Variants in SHANK2 observed in about 807,000 individuals in gnomAD.
SHANK2 encodes the protein SH3 and multiple ankyrin repeat domains protein 2.
In SHANK2, 43 loss-of-function variants were observed where a neutral mutation model predicts 133.7. The ratio of observed to expected loss-of-function variants is 0.32; its 90% confidence interval spans 0.25 to 0.41. The LOEUF (loss-of-function observed/expected upper bound fraction) is 0.41, where lower values mean the gene tolerates loss of function less well. Ranked by LOEUF, SHANK2 falls within the 10% of genes least tolerant of loss-of-function variation. The pLI is 1.00. For synonymous variants in SHANK2, 1,017 were observed against 952.8 expected (o/e 1.07, Z -1.24); for missense variants, 1,994 against 2,235.8 (o/e 0.89, Z 2.18).
At chr11:70,749,634 C>T (rs1271258108) in intron 14 of SHANK2, among the ~76,000 whole-genome samples, 1 of 152,060 alleles carries the variant, frequency 6.6e-6, no homozygotes, top group African/African-American at 2.4e-5. Context: ...GTAACTATTT[C>T]AACAAGGAAA....
intron 17 of SHANK2, among the ~76,000 whole-genome samples, chr11:70,608,565 A>G (rs2060611080): frequency 6.6e-6 from 1 of 152,186 alleles, no homozygotes; most frequent in African/African-American, 2.4e-5. Context: ...GCAGGTGGGC[A>G]GGACACAGCA....
At chr11:70,854,037 A>G (rs1383481182) in intron 11 of SHANK2, among the ~76,000 whole-genome samples, 1 of 152,208 alleles carries the variant, frequency 6.6e-6, no homozygotes, top group African/African-American at 2.4e-5. Flanking sequence ...GTTGGACATG[A>G]AATTGAGGGG....
At chr11:71,169,937 G>T (rs1289715082) in intron 2 of SHANK2, among the ~76,000 whole-genome samples, 16 of 152,040 alleles carry the variant, frequency 1.1e-4, no homozygotes, top group Admixed American at 1.0e-3. Flanking sequence ...TTGAGGCCAG[G>T]AGTTCAAGGC....
chr11:71,104,834 G>A (rs1303586650), intron 6 of SHANK2, among the ~76,000 whole-genome samples: 2 of 152,248 alleles, frequency 1.3e-5, no homozygotes, highest in Non-Finnish European at 2.9e-5. Context: ...GGGAAGCAGG[G>A]TGGTGTGAGA....
intron 2 of SHANK2, among the ~76,000 whole-genome samples, chr11:71,212,842 A>G (rs1408877593): frequency 5.3e-5 from 8 of 152,032 alleles, no homozygotes; most frequent in African/African-American, 1.9e-4. Flanking sequence ...CTGGGTAACC[A>G]GGTCGGAACA....
At chr11:70,567,956 C>T (rs985272822) in intron 17 of SHANK2, among the ~76,000 whole-genome samples, 53 of 152,306 alleles carry the variant, frequency 3.5e-4, no homozygotes, top group African/African-American at 1.3e-3. Context: ...GCTATTCAAA[C>T]CAAAACTCAG....
intron 14 of SHANK2, among the ~76,000 whole-genome samples, chr11:70,704,546 C>T (rs1189960483): frequency 2.0e-5 from 3 of 152,188 alleles, no homozygotes; most frequent in African/African-American, 7.2e-5. Flanking sequence ...CCAGGGCCCA[C>T]TTAAGGACAG....
At chr11:71,182,938 C>G (rs1372841504) in intron 2 of SHANK2, among the ~76,000 whole-genome samples, 2 of 152,176 alleles carry the variant, frequency 1.3e-5, no homozygotes, top group Non-Finnish European at 1.5e-5. Context: ...AATCAGGGCT[C>G]AGTAAACCAG....
intron 1 of SHANK2, among the ~76,000 whole-genome samples, chr11:71,238,952 C>A (rs188397579): frequency 6.6e-6 from 1 of 152,146 alleles, no homozygotes; most frequent in Admixed American, 6.5e-5. Flanking sequence ...TAAGGTGGGA[C>A]GAGAGATTTG....
intron 17 of SHANK2, among the ~76,000 whole-genome samples, chr11:70,521,366 A>C (rs548324735): frequency 2.6e-5 from 4 of 152,334 alleles, no homozygotes; most frequent in African/African-American, 9.6e-5. Flanking sequence ...GCAAATTGCC[A>C]CTTGACATAA....
At chr11:70,769,002 C>T (rs180757439) in intron 14 of SHANK2, among the ~76,000 whole-genome samples, 4 of 152,258 alleles carry the variant, frequency 2.6e-5, no homozygotes, top group South Asian at 2.1e-4. Context: ...GTCTCACATC[C>T]GCATCTTGGG....
At chr11:70,848,297 G>C (rs1369575077) in intron 11 of SHANK2, among the ~76,000 whole-genome samples, 1 of 152,188 alleles carries the variant, frequency 6.6e-6, no homozygotes. Context: ...TGGGCTAAAA[G>C]AATCTGCCCG....
chr11:70,838,314 T>C (rs1948854386), intron 11 of SHANK2, among the ~76,000 whole-genome samples: 1 of 152,236 alleles, frequency 6.6e-6, no homozygotes, highest in South Asian at 2.1e-4. Flanking sequence ...TTGATGCTGC[T>C]TCTAACAATT....
chr11:70,953,267 A>G (rs1241367775), intron 10 of SHANK2, among the ~76,000 whole-genome samples: 1 of 152,072 alleles, frequency 6.6e-6, no homozygotes, highest in Admixed American at 6.5e-5. Context: ...GTATTAAATC[A>G]GGGATCTCCA....
At chr11:71,089,607 G>A (rs1240390963) in intron 8 of SHANK2, among the ~76,000 whole-genome samples, 1 of 152,008 alleles carries the variant, frequency 6.6e-6, no homozygotes, top group Non-Finnish European at 1.5e-5. Flanking sequence ...AGTAGACGAC[G>A]TTTGTGGCTG....
intron 2 of SHANK2, among the ~76,000 whole-genome samples, chr11:71,192,384 GCTATGA>G (rs1454666412): frequency 6.6e-6 from 1 of 152,164 alleles, no homozygotes; most frequent in Non-Finnish European, 1.5e-5. Flanking sequence ...GGACTGTTGG[GCTATGA>G]CTATGAGAGC....
intron 2 of SHANK2, among the ~76,000 whole-genome samples, chr11:71,162,965 C>G (rs59963161): frequency 6.7e-6 from 1 of 148,628 alleles, no homozygotes; most frequent in African/African-American, 2.5e-5. Flanking sequence ...CCCAGCCACT[C>G]GGGAGGCTGA....
intron 10 of SHANK2, chr11:70,950,100 T>C (rs1555086213): frequency 4.4e-6 from 2 of 456,524 alleles, no homozygotes; most frequent in South Asian, 3.1e-5. Context: ...CCTGGTTACC[T>C]AGACTGGAAT....
At chr11:71,191,398 T>C (rs1437840596) in intron 2 of SHANK2, among the ~76,000 whole-genome samples, 2 of 151,786 alleles carry the variant, frequency 1.3e-5, no homozygotes, top group Non-Finnish European at 2.9e-5. Context: ...GAGGCTGGAG[T>C]CCGCACAGGG....
Sources: allele counts gnomAD v4.1 joint callset (sites outside exome capture counted in the v4.1 genomes callset), GRCh38; gene constraint gnomAD v4.1.1; transcripts MANE v1.5; gene names NCBI Gene and HGNC (gene_info 2026-07-23, HGNC 2026-07-21).